Variants in THADA observed in about 807,000 individuals in gnomAD.
The protein encoded by THADA is tRNA (32-2'-O)-methyltransferase regulator THADA.
Under a neutral mutation model 219.8 loss-of-function variants are expected in THADA, and 213 were observed. The ratio of observed to expected loss-of-function variants is 0.97; its 90% CI spans 0.87 to 1.09. The LOEUF is 1.09. Among genes scored for constraint, THADA ranks in the 50% least tolerant of loss-of-function variants. The pLI is 0.00. For missense variants in THADA, 2,956 were observed against 2,311.3 expected, an observed-to-expected ratio of 1.28 and a Z score of -5.72; for synonymous variants, 1,018 against 828.9, an observed-to-expected ratio of 1.23 and a Z score of -3.92.
intron 30 of THADA, among the ~76,000 whole-genome samples, chr2:43,324,157 T>C (rs990377090): frequency 1.3e-5 from 2 of 152,226 alleles, no homozygotes; most frequent in African/African-American, 4.8e-5. Flanking sequence ...TCAAGTCTGA[T>C]GAGGAGCCTG....
At chr2:43,303,185 T>C (rs180960509) in intron 31 of THADA, among the ~76,000 whole-genome samples, 2 of 152,284 alleles carry the variant, frequency 1.3e-5, no homozygotes, top group East Asian at 1.9e-4. Context: ...GAGGAGTGTT[T>C]TGCATAAAGG....
intron 26 of THADA, among the ~76,000 whole-genome samples, chr2:43,465,313 T>A (rs1354934816): frequency 6.6e-6 from 1 of 152,246 alleles, no homozygotes; most frequent in African/African-American, 2.4e-5. Flanking sequence ...CCTTTCATTA[T>A]TTCTCCAGTT....
At chr2:43,319,104 G>A (rs754681364) in intron 31 of THADA, among the ~76,000 whole-genome samples, 9 of 152,194 alleles carry the variant, frequency 5.9e-5, no homozygotes, top group Non-Finnish European at 8.8e-5. Flanking sequence ...ATTTGGAACT[G>A]AAATACAGAA....
chr2:43,496,902 C>T (rs1688340619), intron 25 of THADA, among the ~76,000 whole-genome samples: 1 of 152,136 alleles, frequency 6.6e-6, no homozygotes, highest in Non-Finnish European at 1.5e-5. Context: ...CCTAAACGTC[C>T]ATCAACAGAT....
intron 23 of THADA, among the ~76,000 whole-genome samples, chr2:43,508,034 T>C (rs1689919161): frequency 6.6e-6 from 1 of 152,040 alleles, no homozygotes. Context: ...CTGCCTGGGC[T>C]CAAGTCTTAA....
intron 36 of THADA, among the ~76,000 whole-genome samples, chr2:43,271,945 A>G (rs1452163287): frequency 6.6e-6 from 1 of 152,190 alleles, no homozygotes; most frequent in Non-Finnish European, 1.5e-5. Flanking sequence ...GGTGGAGAGA[A>G]ACAAATAACA....
At chr2:43,530,864 C>T (rs1693781004) in intron 21 of THADA, among the ~76,000 whole-genome samples, 1 of 150,038 alleles carries the variant, frequency 6.7e-6, no homozygotes, top group Non-Finnish European at 1.5e-5. Flanking sequence ...CCTAGGTATT[C>T]CTGGGCACAG....
chr2:43,257,669 A>G (rs1670483188), intron 36 of THADA, among the ~76,000 whole-genome samples: 1 of 152,256 alleles, frequency 6.6e-6, no homozygotes, highest in Non-Finnish European at 1.5e-5. Flanking sequence ...CATGGCTAAA[A>G]ATGAATTTAA....
intron 29 of THADA, among the ~76,000 whole-genome samples, chr2:43,368,944 G>A (rs1054025254): frequency 1.3e-5 from 2 of 152,158 alleles, no homozygotes; most frequent in Non-Finnish European, 2.9e-5. Flanking sequence ...CTTTCAAGCT[G>A]TAAAACTGAA....
At chr2:43,327,976 T>G (rs1013656715) in intron 30 of THADA, among the ~76,000 whole-genome samples, 4 of 152,218 alleles carry the variant, frequency 2.6e-5, no homozygotes, top group African/African-American at 9.7e-5. Context: ...GACCAGATAC[T>G]GCCTCTCCTT....
intron 25 of THADA, among the ~76,000 whole-genome samples, chr2:43,496,043 T>C (rs1434133097): frequency 6.6e-6 from 1 of 152,212 alleles, no homozygotes; most frequent in African/African-American, 2.4e-5. Context: ...TGGCTTTCAC[T>C]GCAAAATACT....
chr2:43,295,185 C>A (rs868009601), intron 31 of THADA, among the ~76,000 whole-genome samples: 1 of 152,238 alleles, frequency 6.6e-6, no homozygotes, highest in Admixed American at 6.5e-5. Flanking sequence ...GCATTCCAGC[C>A]TGGGCGACAA....
At chr2:43,421,993 T>A (rs144307179) in intron 28 of THADA, among the ~76,000 whole-genome samples, 320 of 152,342 alleles carry the variant, frequency 2.1e-3, no homozygotes, top group African/African-American at 7.0e-3. Flanking sequence ...ACATTCAGAA[T>A]CCACAGCTGA....
At chr2:43,282,661 C>T (rs1197044753) in intron 35 of THADA, among the ~76,000 whole-genome samples, 3 of 152,208 alleles carry the variant, frequency 2.0e-5, no homozygotes, top group South Asian at 2.1e-4. Context: ...GGTTGAAGCA[C>T]AGCTGTAGAA....
intron 25 of THADA, among the ~76,000 whole-genome samples, chr2:43,495,889 A>G (rs924981428): frequency 6.6e-6 from 1 of 152,204 alleles, no homozygotes; most frequent in Non-Finnish European, 1.5e-5. Context: ...TATAAAAGGT[A>G]AACTCTGTGT....
chr2:43,256,237 G>A lies in THADA; in HGVS notation c.5297-23355C>T, dbSNP rs553777558. On this transcript the variant is annotated intron_variant, in intron 36 of 37. Transcript: ENST00000405975. ...CAGAAACCCGCTTACGTCTGGGTGC[G>A]GTGGCTCATGCCTGTAATCCCAGCA... Among the ~76,000 whole-genome samples the A allele has an allele frequency of 1.6e-4, 24 of 152,170 alleles. No individual in the cohort carries two copies. In the South Asian group the frequency reaches 4.6e-3, roughly 29 times the overall value.
intron 29 of THADA, among the ~76,000 whole-genome samples, chr2:43,360,904 C>T (rs1669438104): frequency 6.6e-6 from 1 of 152,226 alleles, no homozygotes; most frequent in Admixed American, 6.5e-5. Context: ...TAGACTGATA[C>T]TTTAATCCTC....
chr2:43,365,339 G>C (rs1051989496), intron 29 of THADA, among the ~76,000 whole-genome samples: 1 of 152,054 alleles, frequency 6.6e-6, no homozygotes, highest in African/African-American at 2.4e-5. Flanking sequence ...GGAAGGCTGA[G>C]GCAGGCAGAT....
chr2:43,459,285 A>G (rs1683362934), intron 26 of THADA, among the ~76,000 whole-genome samples: 1 of 152,074 alleles, frequency 6.6e-6, no homozygotes, highest in South Asian at 2.1e-4. Flanking sequence ...AATATTGCAC[A>G]TCCTTCCTCT....
Sources: allele counts gnomAD v4.1 joint callset (sites outside exome capture counted in the v4.1 genomes callset), GRCh38; gene constraint gnomAD v4.1.1; transcripts MANE v1.5; gene names NCBI Gene and HGNC (gene_info 2026-07-23, HGNC 2026-07-21).